Variants in PMCH observed in about 807,000 individuals in gnomAD.
The protein encoded by PMCH is pro-MCH.
In PMCH, 8 loss-of-function variants were observed where a neutral mutation model predicts 15.9. The ratio of observed to expected loss-of-function variants is 0.50; its 90% confidence interval spans 0.29 to 0.91. The LOEUF (loss-of-function observed/expected upper bound fraction) is 0.91. PMCH is among the 40% of genes least tolerant of loss of function. PMCH has a pLI of 0.07. For synonymous variants in PMCH, 73 were observed against 63.8 expected (o/e 1.14, Z -0.69); for missense variants, 169 against 185.7 (o/e 0.91, Z 0.52).
intron 1 of PMCH, 151 bp from the exon 2 acceptor site, chr12:102,197,322 A>T: frequency 2.4e-6 from 2 of 835,404 alleles, no homozygotes; most frequent in African/African-American, 1.7e-5. Flanking sequence ...TATAGGAGAA[A>T]AAACACTTTC....
At position 102,197,099 on chromosome 12, in the gene PMCH, G is replaced by A; in HGVS notation, c.322C>T (p.Leu108=). The A allele has an allele frequency of 6.2e-7, 1 of 1,612,066 alleles. No homozygotes were observed. Among genetic ancestry groups the A allele is most frequent in the Non-Finnish European group, 8.5e-7 (1 of 1,178,576 alleles). The change falls in exon 2 of 3, where the codon CTA becomes TTA. Residue 108 remains leucine (L), a synonymous_variant. Coordinates refer to ENST00000329406, the MANE Select transcript of PMCH (RefSeq NM_002674.4). ...LNLAIKPYLA[L]KGSVAFPAEN... ...GCTGGGAAAGCTACAGATCCTTTTA[G>A]TGCAAGATAAGGTTTTATAGCCAGA... is the stretch of plus-strand genomic sequence containing the variant.
chr12:102,196,795 C>T (rs962877827), intron 2 of PMCH, 94 bp from the exon 3 acceptor site: 7 of 1,122,900 alleles, frequency 6.2e-6, no homozygotes, highest in Non-Finnish European at 8.0e-6. Flanking sequence ...ATAACTAATT[C>T]TGAGTAAACC....
chr12:102,196,540 T>G lies in PMCH; in HGVS notation c.*112A>C. On this transcript the variant is annotated 3_prime_UTR_variant, in exon 3 of 3. Transcript: ENST00000329406. ...TGATACATCTTAACACTACTTTCTT[T>G]TAAAACAGACATTTAACATACACAA... is the stretch of plus-strand genomic sequence containing the variant. 1.2e-6 allele frequency: 1 copy of G among 854,342 alleles called. No individual in the cohort carries two copies. Among genetic ancestry groups the G allele is most frequent in the Admixed American group, 1.9e-5 (1 of 53,372 alleles). 52.9% of individuals were successfully genotyped at this position (854,342 alleles called of 1,614,324 possible). A position where few individuals can be genotyped will look rare whatever the true frequency, so the allele number is the denominator to read the frequency against.
chr12:102,197,468 T>A, intron 1 of PMCH, 54 bp downstream of exon 1: 3 of 1,493,652 alleles, frequency 2.0e-6, no homozygotes, highest in Non-Finnish European at 2.7e-6. Flanking sequence ...AGAGGATTTG[T>A]AAGAATCATT....
chr12:102,197,658 A>T lies in PMCH; in HGVS notation c.113T>A (p.Val38Glu), dbSNP rs1268832680. 1 of 1,612,116 alleles carries T rather than the reference A, an allele frequency of 6.2e-7. No individual in the cohort carries two copies. Among genetic ancestry groups the T allele is most frequent in the African/African-American group, 1.3e-5 (1 of 74,944 alleles). ...KSIRNLDDDM[V>E]FNTFRLGKGF... ...TTTCCCCAACCTGAATGTATTAAAT[A>T]CCATGTCATCATCTAAATTTCTTAT... The change falls in exon 1 of 3, where the codon GTA becomes GAA. Residue 38 changes from valine (V) to glutamate (E), a missense_variant. Val to Glu is a moderately radical substitution (Grantham distance 121). Transcript: ENST00000329406.
Position 102,197,098 on chromosome 12 carries a change from A to G in PMCH, c.323T>C (p.Leu108Pro), listed in dbSNP as rs777070941. 3.7e-6 allele frequency: 6 copies of G among 1,612,020 alleles called. No individual in the cohort carries two copies. In the South Asian group the frequency reaches 4.4e-5, roughly 12 times the overall value. ...LNLAIKPYLA[L>P]KGSVAFPAEN... ...AGCTGGGAAAGCTACAGATCCTTTT[A>G]GTGCAAGATAAGGTTTTATAGCCAG... Residue 108 changes from leucine to proline, a missense_variant, in exon 2 of 3, where the codon CTA (leucine) becomes CCA (proline). Transcript: ENST00000329406.
rs917207923 is a variant in PMCH, at chr12:102,196,844, T to C, written c.448+129A>G. The C allele has an allele frequency of 6.6e-6, 7 of 1,055,688 alleles. No individual in the cohort carries two copies. The Admixed American group carries it at 1.5e-4, about 22-fold the overall frequency. 65.4% of individuals were successfully genotyped at this position (1,055,688 alleles called of 1,614,324 possible). A position where few individuals can be genotyped will look rare whatever the true frequency, so the allele number is the denominator to read the frequency against. On this transcript the variant is annotated intron_variant, in intron 2 of 2. Coordinates refer to ENST00000329406, the MANE Select transcript of PMCH (RefSeq NM_002674.4). ...TTAATTGTTGCTATTTAATCCCACATTTTTGGCAGGTGTAATTGAGCCATG... is the reference window on the plus strand; with the variant it reads ...TTAATTGTTGCTATTTAATCCCACACTTTTGGCAGGTGTAATTGAGCCATG...
At chr12:102,196,788 A>T (rs1273642453) in intron 2 of PMCH, 87 bp from the exon 3 acceptor site, 1 of 1,176,344 alleles carries the variant, frequency 8.5e-7, no homozygotes, top group African/African-American at 1.5e-5. Context: ...ATCTAGTATA[A>T]CTAATTCTGA....
rs550882139 is a variant in PMCH at position 102,197,546 on chromosome 12, G to A, written c.225C>T (p.Asn75=). 1.0e-5 allele frequency: 16 copies of A among 1,607,302 alleles called. No homozygotes were observed. Among genetic ancestry groups the A allele is most frequent in the South Asian group, 7.8e-5 (7 of 89,558 alleles). Residue 75 remains asparagine, a synonymous_variant, in exon 1 of 3, where the codon AAC becomes AAT. Transcript: ENST00000329406. ...CCTTTGAAACTTTATTTTCCTCTTC[G>A]TTCATGAAACTGCTCTCATCATTTT... ...QYKNDESSFM[N]EEENKVSKNT...
intron 1 of PMCH, 41 bp downstream of exon 1, chr12:102,197,481 A>C: frequency 1.3e-6 from 2 of 1,542,798 alleles, no homozygotes; most frequent in Non-Finnish European, 1.7e-6. Flanking sequence ...GAATCATTTA[A>C]ATTTTCATTG....
rs543740530 is a variant in PMCH at position 102,196,737 on chromosome 12, C to T, written c.449-36G>A. ...AAGAAAGTTTAAATTGTTTAAAGGA[C>T]TATAATTATCACACAAAATTTATTA... On this transcript the variant is annotated intron_variant, in intron 2 of 2. Transcript: ENST00000329406. The T allele has an allele frequency of 2.7e-5, 40 of 1,483,142 alleles. No individual in the cohort carries two copies. The East Asian group carries it at 3.8e-4, about 14-fold the overall frequency. The allele number at this position is 1,483,142 out of a possible 1,614,324, so 91.9% of individuals were successfully genotyped here.
chr12:102,197,530 C>T lies in PMCH; in HGVS notation c.241G>A (p.Val81Ile), dbSNP rs765119756. The T allele has an allele frequency of 2.7e-5, 43 of 1,603,770 alleles. No homozygotes were observed. Among genetic ancestry groups the T allele is most frequent in the Non-Finnish European group, 3.4e-5 (40 of 1,176,246 alleles). Residue 81 changes from valine (V) to isoleucine (I), a missense_variant, in exon 1 of 3, where the codon GTT becomes ATT. Coordinates refer to ENST00000329406, the MANE Select transcript of PMCH (RefSeq NM_002674.4). ...GTCACATTGCCACTTACCTTTGAAA[C>T]TTTATTTTCCTCTTCGTTCATGAAA... ...SSFMNEEENK[V>I]SKNTGSKHNF...
chr12:102,197,300 T>C (rs1455062857), intron 1 of PMCH, 129 bp from the exon 2 acceptor site: 11 of 876,740 alleles, frequency 1.3e-5, no homozygotes, highest in Non-Finnish European at 1.9e-5. Context: ...AAAAATACCT[T>C]AGATGCAAAT....
At chr12:102,196,750 A>G in intron 2 of PMCH, 49 bp from the exon 3 acceptor site, 2 of 1,400,698 alleles carry the variant, frequency 1.4e-6, no homozygotes, top group Non-Finnish European at 2.0e-6. Context: ...TAATTATCAC[A>G]CAAAATTTAT....
At chr12:102,197,212 C>T (rs780126998) in intron 1 of PMCH, 41 bp from the exon 2 acceptor site, 37 of 1,385,792 alleles carry the variant, frequency 2.7e-5, no homozygotes, top group South Asian at 1.3e-4. Context: ...CTATCGTATT[C>T]GGAGTGGAAC....
intron 1 of PMCH, 21 bp from the exon 2 acceptor site, chr12:102,197,192 T>C: frequency 3.8e-6 from 6 of 1,587,370 alleles, no homozygotes; most frequent in Non-Finnish European, 5.2e-6. Flanking sequence ...AAGGTTGATT[T>C]GGTTTTTAGC....
In PMCH at chr12:102,197,710, C is replaced by T. The variant is rs1397480017; in HGVS notation, c.61G>A (p.Gly21Ser). 1 of 1,605,220 alleles carries T rather than the reference C, an allele frequency of 6.2e-7. No individual in the cohort carries two copies. Among genetic ancestry groups the T allele is most frequent in the Non-Finnish European group, 8.5e-7 (1 of 1,173,520 alleles). The stretch of plus-strand genomic sequence containing the variant: ...GACTTGGATGCTGAAAGTAAAATAC[C>T]TTGAGAAAACAAAGAAAAAGTTAGT... ...LILTFSLFSQ[G>S]ILLSASKSIR... is the part of the protein sequence containing the mutation. The change falls in exon 1 of 3, where the codon GGT becomes AGT. Residue 21 changes from glycine to serine, a missense_variant. Gly to Ser is a moderately conservative substitution (Grantham distance 56). Coordinates refer to ENST00000329406, the MANE Select transcript of PMCH (RefSeq NM_002674.4).
rs149545931 is a variant in PMCH, at chr12:102,197,076, T to G, written c.345A>C (p.Pro115=). ...YLALKGSVAF[P]AENGVQNTES... is the part of the protein sequence containing the mutation. ...CAGTATTCTGAACTCCATTCTCAGC[T>G]GGGAAAGCTACAGATCCTTTTAGTG... The change falls in exon 2 of 3, where the codon CCA becomes CCC. Residue 115 remains proline, a synonymous_variant. Coordinates refer to ENST00000329406, the MANE Select transcript of PMCH (RefSeq NM_002674.4). The G allele has an allele frequency of 2.5e-6, 4 of 1,612,086 alleles. No individual in the cohort carries two copies. Among genetic ancestry groups the G allele is most frequent in the Non-Finnish European group, 3.4e-6 (4 of 1,178,628 alleles).
rs1346943820 is a variant in PMCH, at chr12:102,197,631, C to A, written c.140G>T (p.Gly47Val). 2 of 1,612,076 alleles carry A rather than the reference C, an allele frequency of 1.2e-6. No homozygotes were observed. Among genetic ancestry groups the A allele is most frequent in the Non-Finnish European group, 1.7e-6 (2 of 1,178,754 alleles). ...TTCTGCAGTGTCTTCCTTCTGAAAG[C>A]CTTTCCCCAACCTGAATGTATTAAA... Reference protein sequence around the residue: ...MVFNTFRLGKGFQKEDTAEKS... With the variant: ...MVFNTFRLGKVFQKEDTAEKS... Residue 47 changes from glycine to valine, a missense_variant, in exon 1 of 3, where the codon GGC (glycine) becomes GTC (valine). Gly to Val is a moderately radical substitution (Grantham distance 109). Transcript: ENST00000329406.
Sources: gnomAD v4.1 joint callset for allele counts on GRCh38, gnomAD v4.1.1 for gene constraint, MANE v1.5 for transcripts, NCBI Gene and HGNC (gene_info 2026-07-23, HGNC 2026-07-21) for gene names.